Variants in HERC6 observed in about 807,000 individuals in gnomAD.
HERC6 encodes HECT and RLD domain containing E3 ubiquitin protein ligase family member 6.
Under a neutral mutation model 114.5 loss-of-function variants are expected in HERC6, and 101 were observed. That is an observed-to-expected ratio of 0.88 (90% CI 0.75 to 1.04). HERC6 has a LOEUF of 1.04. Among genes scored for constraint, HERC6 ranks in the 50% least tolerant of loss-of-function variants. The probability of loss-of-function intolerance (pLI) is 0.00; values close to 1 mark genes in which losing one functional copy is unlikely to be tolerated. For missense variants in HERC6, 1,133 were observed against 1,230.9 expected (o/e 0.92, Z 1.19); for synonymous variants, 408 against 436.2 (o/e 0.94, Z 0.81).
chr4:88,399,826 T>C lies in HERC6; in HGVS notation c.1092+1617T>C, dbSNP rs139944405. 3.3e-5 allele frequency: 5 copies of C among 152,050 alleles called. No individual in the cohort carries two copies. The East Asian group carries it at 9.7e-4, about 29-fold the overall frequency. 9.4% of individuals were successfully genotyped at this position (152,050 alleles called of 1,614,324 possible). On this transcript the variant is annotated intron_variant, in intron 8 of 22. Transcript: ENST00000264346. ...GACAAGTACTCTGAAGAAAACACAT[T>C]GATTGTTTGAGATTGGTGAGGTGGC...
At position 88,410,731 on chromosome 4, in the gene HERC6, G is replaced by C. The variant is rs556674259; in HGVS notation, c.1368+2114G>C. 1.4e-4 allele frequency among the ~76,000 whole-genome samples: 21 copies of C among 152,260 alleles called. No homozygotes were observed. In the East Asian group the frequency reaches 2.1e-3, roughly 15 times the overall value. On this transcript the variant is annotated intron_variant, in intron 11 of 22. Transcript: ENST00000264346. ...GCATGTGGGGCATTCAGATGAAGAG[G>C]CTCCCTGAACAGCTAGGGATAAGAA...
intron 15 of HERC6, among the ~76,000 whole-genome samples, chr4:88,426,428 A>G (rs1737622817): frequency 1.3e-5 from 2 of 151,694 alleles, no homozygotes; most frequent in African/African-American, 4.8e-5. Flanking sequence ...TTGGCCTCCC[A>G]AAGTGCTGGG....
chr4:88,387,574 C>T lies in HERC6; in HGVS notation c.436+1999C>T, dbSNP rs547378678. On this transcript the variant is annotated intron_variant, in intron 3 of 22. Coordinates refer to ENST00000264346, the MANE Select transcript of HERC6 (RefSeq NM_017912.4). ...CTCAACCCTAAGTGCTTAACTACTA[C>T]GCTGCACTGACTACAAATCCAGGGC... Among the ~76,000 whole-genome samples, 28 of 152,274 alleles carry T rather than the reference C, an allele frequency of 1.8e-4. No individual in the cohort carries two copies. The South Asian group carries it at 3.5e-3, about 19-fold the overall frequency.
At chr4:88,428,934 T>C (rs1737912951) in intron 16 of HERC6, among the ~76,000 whole-genome samples, 184 bp downstream of exon 16, 1 of 152,256 alleles carries the variant, frequency 6.6e-6, no homozygotes, top group African/African-American at 2.4e-5. Context: ...CAGTGGGCTA[T>C]GAGTTAACTA....
At chr4:88,406,192 G>A (rs1473079512) in intron 10 of HERC6, among the ~76,000 whole-genome samples, 2 of 152,232 alleles carry the variant, frequency 1.3e-5, no homozygotes, top group Non-Finnish European at 2.9e-5. Context: ...CAGTGTAGAG[G>A]GTCTTAGGCT....
intron 1 of HERC6, among the ~76,000 whole-genome samples, chr4:88,382,707 G>C (rs577222287): frequency 1.4e-4 from 21 of 152,282 alleles, no homozygotes; most frequent in African/African-American, 4.8e-4. Flanking sequence ...AAGCAGTTGG[G>C]CTCCACTAAG....
chr4:88,410,528 G>A (rs960738334), intron 11 of HERC6, among the ~76,000 whole-genome samples: 7 of 151,994 alleles, frequency 4.6e-5, no homozygotes, highest in Non-Finnish European at 5.9e-5. Context: ...ATCTCTCTGG[G>A]GTCTCTTTTG....
At chr4:88,440,477 C>A in intron 22 of HERC6, 1 of 446,256 alleles carries the variant, frequency 2.2e-6, no homozygotes, top group South Asian at 4.4e-5. Flanking sequence ...AGAGGGGTCC[C>A]AGAAAAATGA....
rs552611542 is a variant in HERC6, at chr4:88,397,669, G to A, written c.1025-473G>A. Reference sequence around the variant, plus strand: ...CCGAGATCGTCCAGCCTGGGCAACAGGGTGAGACTCCATCTCAAAAAAATA... The same window carrying A: ...CCGAGATCGTCCAGCCTGGGCAACAAGGTGAGACTCCATCTCAAAAAAATA... On this transcript the variant is annotated intron_variant, in intron 7 of 22. Transcript: ENST00000264346. 1.7e-3 allele frequency among the ~76,000 whole-genome samples: 257 copies of A among 151,942 alleles called. 1 individual carries two copies. The highest frequency in any genetic ancestry group is 2.9e-3 in the Non-Finnish European group (196 of 67,976).
intron 5 of HERC6, among the ~76,000 whole-genome samples, chr4:88,394,791 C>T (rs1387041125): frequency 1.3e-5 from 2 of 152,058 alleles, no homozygotes; most frequent in African/African-American, 4.8e-5. Flanking sequence ...ATGATCCACC[C>T]ACCTCAGCCT....
chr4:88,431,072 C>A, intron 16 of HERC6, 90 bp from the exon 17 acceptor site: 1 of 1,135,536 alleles, frequency 8.8e-7, no homozygotes, highest in Non-Finnish European at 1.3e-6. Flanking sequence ...CTAGAGACTG[C>A]AAGAATGGTC....
intron 12 of HERC6, among the ~76,000 whole-genome samples, chr4:88,413,483 CAG>C (rs1211920482): frequency 2.0e-5 from 3 of 152,078 alleles, no homozygotes; most frequent in African/African-American, 7.2e-5. Flanking sequence ...GCTTTGACAT[CAG>C]AGTTTGGTAG....
At chr4:88,389,294 T>C (rs902432402) in intron 3 of HERC6, among the ~76,000 whole-genome samples, 4 of 152,164 alleles carry the variant, frequency 2.6e-5, no homozygotes, top group East Asian at 1.9e-4. Flanking sequence ...TGGTCCGTCA[T>C]TGAGTGAGAC....
chr4:88,393,414 G>T, intron 4 of HERC6, 74 bp from the exon 5 acceptor site: 1 of 698,750 alleles, frequency 1.4e-6, no homozygotes, highest in Non-Finnish European at 2.3e-6. Context: ...AATATAAAAA[G>T]ATATTAAAAT....
intron 19 of HERC6, among the ~76,000 whole-genome samples, chr4:88,437,236 T>C (rs1738855023): frequency 1.3e-5 from 2 of 152,038 alleles, no homozygotes; most frequent in Non-Finnish European, 2.9e-5. Flanking sequence ...TTTGTATTCT[T>C]TGTAGAGATG....
chr4:88,425,215 A>C (rs368620714), intron 15 of HERC6, among the ~76,000 whole-genome samples: 1 of 152,178 alleles, frequency 6.6e-6, no homozygotes, highest in East Asian at 1.9e-4. Flanking sequence ...TTAATTATCA[A>C]ATGTTGCCAA....
rs776461465 is a variant in HERC6 at position 88,436,857 on chromosome 4, C to A, written c.2418-48C>A. 3.8e-6 allele frequency: 5 copies of A among 1,311,780 alleles called. No homozygotes were observed. In the African/African-American group the frequency reaches 7.5e-5, roughly 20 times the overall value. 81.3% of individuals were successfully genotyped at this position (1,311,780 alleles called of 1,614,324 possible). On this transcript the variant is annotated intron_variant, in intron 18 of 22. Coordinates refer to ENST00000264346, the MANE Select transcript of HERC6 (RefSeq NM_017912.4). ...TTTCCATTGAAAATTACTTGTGAAA[C>A]TTTATAAGATCAATAAATATAATTT...
chr4:88,397,586 A>T (rs888976024), intron 7 of HERC6, among the ~76,000 whole-genome samples: 1 of 151,922 alleles, frequency 6.6e-6, no homozygotes, highest in Non-Finnish European at 1.5e-5. Flanking sequence ...AATCCCAGCT[A>T]CCTAGGAGGC....
Position 88,408,602 on chromosome 4 carries a change from A to C in HERC6, c.1353A>C (p.Glu451Asp). Residue 451 changes from glutamate (E) to aspartate (D), a missense_variant, in exon 11 of 23, where the codon GAA (glutamate) becomes GAC (aspartate). By Grantham distance (45) the Glu-to-Asp change is conservative (BLOSUM62 2). Coordinates refer to ENST00000264346, the MANE Select transcript of HERC6 (RefSeq NM_017912.4). The part of the protein sequence containing the change: ...RDTFKKLTKK[E>D]WISSMITTCL... ...CCTTCAAGAAGTTAACAAAAAAGGAATGGATTTCTTCCATGGTAATAGCCA... is the reference window on the plus strand; with the variant it reads ...CCTTCAAGAAGTTAACAAAAAAGGACTGGATTTCTTCCATGGTAATAGCCA... The C allele has an allele frequency of 6.3e-7, 1 of 1,580,752 alleles. No homozygotes were observed. The highest frequency in any genetic ancestry group is 8.6e-7 in the Non-Finnish European group (1 of 1,160,246).
Sources: allele counts gnomAD v4.1 joint callset (sites outside exome capture counted in the v4.1 genomes callset), GRCh38; gene constraint gnomAD v4.1.1; transcripts MANE v1.5; gene names NCBI Gene and HGNC (gene_info 2026-07-23, HGNC 2026-07-21).